DCAF10: variants seen among roughly 807,000 people sequenced by gnomAD.
DCAF10 encodes the protein DDB1- and CUL4-associated factor 10.
A neutral mutation model predicts 51.9 loss-of-function variants in DCAF10; 19 were observed. That is an observed-to-expected ratio of 0.37 (90% CI 0.26 to 0.54). The LOEUF (loss-of-function observed/expected upper bound fraction) is 0.54, where lower values mean the gene tolerates loss of function less well. Ranked by LOEUF, DCAF10 falls within the 20% of genes least tolerant of loss-of-function variation. The probability of loss-of-function intolerance (pLI) is 0.87; values close to 1 mark genes in which losing one functional copy is unlikely to be tolerated. For synonymous variants in DCAF10, 291 were observed against 297.1 expected, an observed-to-expected ratio of 0.98 and a Z score of 0.21; for missense variants, 510 against 730.6, an observed-to-expected ratio of 0.70 and a Z score of 3.48.
intron 1 of DCAF10, among the ~76,000 whole-genome samples, chr9:37,818,755 AT>A (rs1007808907): frequency 5.9e-5 from 9 of 152,102 alleles, no homozygotes; most frequent in Admixed American, 4.6e-4. Flanking sequence ...ATCAATGTAC[AT>A]TTTTTTGGCA....
chr9:37,825,924 A>C, intron 2 of DCAF10, among the ~76,000 whole-genome samples: 1 of 152,016 alleles, frequency 6.6e-6, no homozygotes, highest in African/African-American at 2.4e-5. Flanking sequence ...AATCCCAGCT[A>C]CCCAGGAGGC....
intron 1 of DCAF10, among the ~76,000 whole-genome samples, chr9:37,812,288 G>C (rs1490565339): frequency 6.6e-6 from 1 of 150,884 alleles, no homozygotes; most frequent in African/African-American, 2.4e-5. Flanking sequence ...AAGAAAAAAA[G>C]ACAGAAATAT....
intron 1 of DCAF10, among the ~76,000 whole-genome samples, chr9:37,808,610 A>AATATATT (rs1204405386): frequency 2.2e-5 from 2 of 90,638 alleles, no homozygotes; most frequent in African/African-American, 9.5e-5. Flanking sequence ...ATAATATAAA[A>AATATATT]ATATAATATA....
At chr9:37,802,238 T>A (rs955811908) in intron 1 of DCAF10, among the ~76,000 whole-genome samples, 2 of 152,250 alleles carry the variant, frequency 1.3e-5, no homozygotes, top group African/African-American at 4.8e-5. Context: ...GGAGTAACCA[T>A]GCTGAGCAAA....
At chr9:37,832,590 G>A (rs988774490) in intron 2 of DCAF10, among the ~76,000 whole-genome samples, 12 of 152,104 alleles carry the variant, frequency 7.9e-5, no homozygotes, top group African/African-American at 2.7e-4. Context: ...TGTGTCAGTG[G>A]GAACACGAAA....
Position 37,819,400 on chromosome 9 carries a change from A to C in DCAF10, c.652A>C (p.Arg218=). 1 of 1,609,714 alleles carries C rather than the reference A, an allele frequency of 6.2e-7. No individual in the cohort carries two copies. Among genetic ancestry groups the C allele is most frequent in the Non-Finnish European group, 8.5e-7 (1 of 1,176,888 alleles). The change falls in exon 2 of 7, where the codon AGA becomes CGA. Residue 218 remains arginine (R), a splice_region_variant and synonymous_variant. Coordinates refer to ENST00000377724, the MANE Select transcript of DCAF10 (RefSeq NM_024345.5). ...EAHEDCVNNI[R]FLDNRLFATC... ...TCATGAAGACTGTGTAAATAATATC[A>C]GGTTAGTATTATAGTGAAAAAGTGA...
chr9:37,853,655 G>A (rs1277631324), intron 3 of DCAF10, among the ~76,000 whole-genome samples: 3 of 151,786 alleles, frequency 2.0e-5, no homozygotes, highest in Admixed American at 2.0e-4. Flanking sequence ...TGCTCAGGCT[G>A]GTGTGCAGTG....
intron 1 of DCAF10, among the ~76,000 whole-genome samples, chr9:37,805,949 G>A (rs1829101436): frequency 1.3e-5 from 2 of 152,064 alleles, no homozygotes; most frequent in South Asian, 2.1e-4. Context: ...GCTGGTTGTG[G>A]TGACGTGTCC....
chr9:37,861,549 C>T lies in DCAF10; in HGVS notation c.*41C>T, dbSNP rs1831017798. On this transcript the variant is annotated 3_prime_UTR_variant, in exon 7 of 7. Coordinates refer to ENST00000377724, the MANE Select transcript of DCAF10 (RefSeq NM_024345.5). The surrounding 1 kb of genome is among the most constrained non-coding windows in gnomAD (Gnocchi z 4.9). ...AATAAGGAACTCTTCTGGTGTTTGA[C>T]TTAGGAATTGCTTCAATTTAGATGA... is the stretch of plus-strand genomic sequence containing the variant. 6.4e-7 allele frequency: 1 copy of T among 1,555,822 alleles called. No homozygotes were observed. Among genetic ancestry groups the T allele is most frequent in the East Asian group, 2.3e-5 (1 of 44,194 alleles).
intron 2 of DCAF10, chr9:37,835,982 A>C (rs1201889119): frequency 5.1e-6 from 5 of 982,418 alleles, no homozygotes; most frequent in Non-Finnish European, 8.2e-6. Flanking sequence ...TTTACAGAAA[A>C]ATTCCCCAAT....
At chr9:37,858,424 T>C (rs1830914616) in intron 5 of DCAF10, 2 of 152,204 alleles carry the variant, frequency 1.3e-5, no homozygotes, top group Admixed American at 6.5e-5. Context: ...CTAATAATCA[T>C]TGAGAAAAAT....
At chr9:37,855,124 GT>G in intron 4 of DCAF10, 142 bp downstream of exon 4, 1 of 712,970 alleles carries the variant, frequency 1.4e-6, no homozygotes, top group Non-Finnish European at 2.3e-6. Flanking sequence ...TCATTGATGG[GT>G]TTTTATCTAA....
At chr9:37,804,775 TAA>T (rs879802609) in intron 1 of DCAF10, among the ~76,000 whole-genome samples, 2 of 142,236 alleles carry the variant, frequency 1.4e-5, no homozygotes, top group Admixed American at 7.0e-5. Context: ...AAACTCCATT[TAA>T]AAAAAAAAAA....
At position 37,801,569 on chromosome 9, in the gene DCAF10, C is replaced by A; in HGVS notation, c.539+164C>A. 1 of 899,318 alleles carries A rather than the reference C, an allele frequency of 1.1e-6. No homozygotes were observed. The highest frequency in any genetic ancestry group is 1.5e-6 in the Non-Finnish European group (1 of 660,224). 55.7% of individuals were successfully genotyped at this position (899,318 alleles called of 1,614,324 possible). A position where few individuals can be genotyped will look rare whatever the true frequency, so the allele number is the denominator to read the frequency against. ...GCACTTTCTGAAGCGCATTCTCGCC[C>A]TTGGAATCCCCAGCCCAGCTTTTTG... On this transcript the variant is annotated intron_variant, in intron 1 of 6. Coordinates refer to ENST00000377724, the MANE Select transcript of DCAF10 (RefSeq NM_024345.5). This position sits in a 1 kb window ranked among gnomAD's most constrained non-coding sequence, Gnocchi z 5.5.
intron 5 of DCAF10, among the ~76,000 whole-genome samples, chr9:37,857,903 C>CA (rs35161777): frequency 1.3e-5 from 2 of 152,206 alleles, no homozygotes; most frequent in Admixed American, 1.3e-4. Flanking sequence ...CACACCCCCC[C>CA]AGTTGAAATG....
intron 1 of DCAF10, among the ~76,000 whole-genome samples, chr9:37,807,658 C>CTTT (rs5897701): frequency 2.5e-4 from 18 of 72,502 alleles, no homozygotes; most frequent in African/African-American, 3.2e-4. Flanking sequence ...CTTTTCTTTT[C>CTTT]TTTTTTTTTT....
chr9:37,850,828 A>T (rs10814629), intron 3 of DCAF10, among the ~76,000 whole-genome samples: 1,545 of 6,434 alleles, frequency 0.24, 89 homozygotes, highest in Middle Eastern at 0.3. Context: ...GATATATTTT[A>T]TATATATATA....
At chr9:37,851,866 C>CTGAAA (rs142911776) in intron 3 of DCAF10, among the ~76,000 whole-genome samples, 25,308 of 150,746 alleles carry the variant, frequency 0.17, 2,239 homozygotes, top group African/African-American at 0.21. Context: ...GAAAAAGATA[C>CTGAAA]TGAAATGAAA....
chr9:37,862,766 A>G lies in DCAF10; in HGVS notation c.*1258A>G, dbSNP rs1831050535. On this transcript the variant is annotated 3_prime_UTR_variant, in exon 7 of 7. Coordinates refer to ENST00000377724, the MANE Select transcript of DCAF10 (RefSeq NM_024345.5). The stretch of plus-strand genomic sequence containing the variant: ...GGTGGTACTGTGTTTAGAAGGGATT[A>G]CCAAAGGCTGGAGCGATTTAAGCTA... 1 of 152,324 alleles carries G rather than the reference A, an allele frequency of 6.6e-6. No individual in the cohort carries two copies. The highest frequency in any genetic ancestry group is 2.4e-5 in the African/African-American group (1 of 41,578). The allele number at this position is 152,324 out of a possible 1,614,324, so 9.4% of individuals were successfully genotyped here. A position where few individuals can be genotyped will look rare whatever the true frequency, so the allele number is the denominator to read the frequency against.
Sources: gnomAD v4.1 joint callset for allele counts (sites outside exome capture counted in the v4.1 genomes callset) on GRCh38, gnomAD v4.1.1 for gene constraint, Gnocchi (gnomAD v3.1) non-coding constraint, MANE v1.5 for transcripts, NCBI Gene and HGNC (gene_info 2026-07-23, HGNC 2026-07-21) for gene names.